The following COL4A4 variants were observed in gnomAD, a reference collection of about 807,000 sequenced individuals.
COL4A4 encodes collagen type IV alpha 4 chain.
In COL4A4, 105 loss-of-function variants were observed where a neutral mutation model predicts 192.9. The observed-to-expected ratio is 0.54, with a 90% confidence interval of 0.46 to 0.64. The LOEUF is 0.64. COL4A4 is among the 30% of genes least tolerant of loss of function. The pLI, the probability that COL4A4 is intolerant of heterozygous loss-of-function variation, is 0.00. For synonymous variants in COL4A4, 762 were observed against 769.9 expected (o/e 0.99, Z 0.17); for missense variants, 1,967 against 2,169.3 (o/e 0.91, Z 1.85).
intron 24 of COL4A4, among the ~76,000 whole-genome samples, chr2:227,079,831 A>G (rs1403131333): frequency 2.0e-5 from 3 of 152,224 alleles, no homozygotes; most frequent in Non-Finnish European, 2.9e-5. Context: ...ATTCAGAAAT[A>G]CTGCACATAT....
chr2:227,063,374 C>T (rs958904350), intron 25 of COL4A4, among the ~76,000 whole-genome samples: 2 of 152,060 alleles, frequency 1.3e-5, no homozygotes, highest in African/African-American at 4.8e-5. Flanking sequence ...TCTTTATATG[C>T]TCTCAGATCT....
rs1030024009 is a variant in COL4A4, at chr2:227,021,963, A to T, written c.4216+85T>A. The T allele has an allele frequency of 1.2e-5, 18 of 1,507,664 alleles. No individual in the cohort carries two copies. In the African/African-American group the frequency reaches 2.5e-4, roughly 21 times the overall value. The allele number at this position is 1,507,664 out of a possible 1,614,324, so 93.4% of individuals were successfully genotyped here. On this transcript the variant is annotated intron_variant, in intron 44 of 47. Coordinates refer to ENST00000396625, the MANE Select transcript of COL4A4 (RefSeq NM_000092.5). Reference sequence around the variant, plus strand: ...TTCTCCTCAGTAGTTTAGGCTCCATATAAAAAGCTACAAAATAAAAGATCT... The same window carrying T: ...TTCTCCTCAGTAGTTTAGGCTCCATTTAAAAAGCTACAAAATAAAAGATCT...
rs1380325599 is a variant in COL4A4, at chr2:227,004,904, T to C, written c.*2421A>G. ...GTTTGATAAGGATCATCTCCAATAATGGGTTAGGAGAACAACTTAAAAGCT... is the reference window on the plus strand; with the variant it reads ...GTTTGATAAGGATCATCTCCAATAACGGGTTAGGAGAACAACTTAAAAGCT... On this transcript the variant is annotated 3_prime_UTR_variant, in exon 48 of 48. Transcript: ENST00000396625. 6.6e-6 allele frequency: 1 copy of C among 152,190 alleles called. No individual in the cohort carries two copies. Among genetic ancestry groups the C allele is most frequent in the Non-Finnish European group, 1.5e-5 (1 of 68,070 alleles). 9.4% of individuals were successfully genotyped at this position (152,190 alleles called of 1,614,324 possible). A position where few individuals can be genotyped will look rare whatever the true frequency, so the allele number is the denominator to read the frequency against.
intron 18 of COL4A4, 111 bp downstream of exon 18, chr2:227,099,509 T>G: frequency 1.1e-6 from 1 of 950,376 alleles, no homozygotes; most frequent in East Asian, 2.4e-5. Flanking sequence ...GTTCGTGCAT[T>G]CAGCCTGCCT....
chr2:227,062,464 G>T, intron 26 of COL4A4, 66 bp downstream of exon 26: 1 of 1,010,400 alleles, frequency 9.9e-7, no homozygotes, highest in Non-Finnish European at 1.5e-6. Context: ...TGGTTTATCT[G>T]TCTGGCTGGT....
At chr2:227,029,270 AAGG>A (rs754845097) in intron 41 of COL4A4, among the ~76,000 whole-genome samples, 1 of 152,204 alleles carries the variant, frequency 6.6e-6, no homozygotes, top group Non-Finnish European at 1.5e-5. Context: ...TAGAGTAACT[AAGG>A]AGGAGGAGTG....
At chr2:226,995,491 G>A in the COL4A4 span, 1 of 1,613,002 alleles carries the variant, frequency 6.2e-7, no homozygotes, top group Non-Finnish European at 8.5e-7. Flanking sequence ...GAAATGAGGA[G>A]ACAGCGGCTT....
chr2:226,980,096 G>GT, the COL4A4 span, among the ~76,000 whole-genome samples: 1 of 152,150 alleles, frequency 6.6e-6, no homozygotes, highest in Admixed American at 6.5e-5. Flanking sequence ...GGTCATTAGT[G>GT]TAACAGTCAG....
intron 32 of COL4A4, 73 bp from the exon 33 acceptor site, chr2:227,051,231 G>C: frequency 6.7e-7 from 1 of 1,496,210 alleles, no homozygotes; most frequent in African/African-American, 1.4e-5. Flanking sequence ...GAGGGACCTG[G>C]TCCTACTTTT....
chr2:227,091,407 T>G (rs1164198887), intron 20 of COL4A4, among the ~76,000 whole-genome samples: 2 of 126,892 alleles, frequency 1.6e-5, no homozygotes, highest in Non-Finnish European at 1.6e-5. Flanking sequence ...AGCTGGAGAG[T>G]AATAGAGTAA....
chr2:227,040,223 G>A (rs13383070), intron 37 of COL4A4, among the ~76,000 whole-genome samples: 74,610 of 152,012 alleles, frequency 0.49, 18,846 homozygotes, highest in African/African-American at 0.61. Flanking sequence ...TTTCGTATAC[G>A]TATGAGTCAA....
the COL4A4 span, among the ~76,000 whole-genome samples, chr2:226,967,735 A>G: frequency 0.017 from 2,544 of 152,178 alleles, 63 homozygotes; most frequent in African/African-American, 0.058. Context: ...AGAAGAGTGT[A>G]GTATGTCCAC....
At chr2:227,016,024 C>G (rs1439809019) in intron 44 of COL4A4, among the ~76,000 whole-genome samples, 1 of 152,094 alleles carries the variant, frequency 6.6e-6, no homozygotes, top group African/African-American at 2.4e-5. Context: ...CCACATCCTT[C>G]CCTACATAAA....
At chr2:227,119,974 A>G in intron 5 of COL4A4, 35 bp from the exon 6 acceptor site, 1 of 1,448,188 alleles carries the variant, frequency 6.9e-7, no homozygotes, top group Non-Finnish European at 9.4e-7. Context: ...AGAGATAAAA[A>G]TTATTAAATT....
intron 40 of COL4A4, among the ~76,000 whole-genome samples, chr2:227,031,011 A>G (rs1968215572): frequency 7.2e-6 from 1 of 138,494 alleles, no homozygotes; most frequent in African/African-American, 2.9e-5. Flanking sequence ...GGATGGATGG[A>G]TGGATATGTG....
intron 38 of COL4A4, among the ~76,000 whole-genome samples, chr2:227,032,921 C>T (rs1458202695): frequency 6.6e-6 from 1 of 152,164 alleles, no homozygotes; most frequent in Non-Finnish European, 1.5e-5. Context: ...ACTAACAGAA[C>T]AAGATACACT....
At chr2:227,085,463 G>A (rs1035902337) in intron 22 of COL4A4, among the ~76,000 whole-genome samples, 3 of 152,204 alleles carry the variant, frequency 2.0e-5, no homozygotes, top group East Asian at 1.9e-4. Flanking sequence ...CTTTTGCTTC[G>A]CTATAAAGAA....
At chr2:227,083,809 C>T (rs4234067) in intron 22 of COL4A4, among the ~76,000 whole-genome samples, 100,839 of 151,990 alleles carry the variant, frequency 0.66, 34,542 homozygotes, top group African/African-American at 0.84. Context: ...TTTTTTTAAC[C>T]GGCTGTACTA....
At chr2:227,041,805 G>GAAAGAAAGAAAGAGAAAGAAAGAGAAAGA (rs1491303752) in intron 37 of COL4A4, among the ~76,000 whole-genome samples, 1 of 39,362 alleles carries the variant, frequency 2.5e-5, no homozygotes, top group African/African-American at 9.7e-5. Flanking sequence ...AGAAAGAAAG[G>GAAAGAAAGAAAGAGAAAGAAAGAGAAAGA]AAGAAAGAAA....
Sources: allele counts gnomAD v4.1 joint callset (sites outside exome capture counted in the v4.1 genomes callset), GRCh38; gene constraint gnomAD v4.1.1; transcripts MANE v1.5; gene names NCBI Gene and HGNC (gene_info 2026-07-23, HGNC 2026-07-21).